The following NT5C1A variants were observed in gnomAD, a reference collection of about 807,000 sequenced individuals.
NT5C1A encodes the protein 5'-nucleotidase, cytosolic IA.
NT5C1A carries 18 observed loss-of-function variants against 31.0 expected under a neutral mutation model. The ratio of observed to expected loss-of-function variants is 0.58; its 90% CI spans 0.40 to 0.86. The LOEUF is 0.86. Among genes scored for constraint, NT5C1A ranks in the 40% least tolerant of loss-of-function variants. NT5C1A has a pLI of 0.00. For missense variants in NT5C1A, 470 were observed against 505.4 expected (o/e 0.93, Z 0.67); for synonymous variants, 185 against 203.6 (o/e 0.91, Z 0.78).
intron 1 of NT5C1A, among the ~76,000 whole-genome samples, chr1:39,668,358 G>A (rs1196932171): frequency 2.6e-5 from 4 of 152,150 alleles, no homozygotes; most frequent in African/African-American, 7.2e-5. Context: ...CTAAGGTCTC[G>A]CTCCTCACTT....
chr1:39,661,918 C>T (rs557552079), intron 4 of NT5C1A, among the ~76,000 whole-genome samples: 2 of 152,322 alleles, frequency 1.3e-5, no homozygotes, highest in Non-Finnish European at 2.9e-5. Flanking sequence ...GCCCTGCTGG[C>T]GGCTGGCTGT....
Position 39,653,061 on chromosome 1 carries a change from A to G in NT5C1A, c.*6060T>C, listed in dbSNP as rs555530479. Among the ~76,000 whole-genome samples the G allele has an allele frequency of 3.3e-5, 5 of 152,258 alleles. No homozygotes were observed. In the East Asian group the frequency reaches 9.6e-4, roughly 29 times the overall value. On this transcript the variant is annotated 3_prime_UTR_variant, in exon 6 of 6. Coordinates refer to ENST00000235628, the MANE Select transcript of NT5C1A (RefSeq NM_032526.3). ...CAGTGCACAATCTGCCCAACTGGAC[A>G]CGTTGGCCTTGGCACTGTTAGGGGG...
chr1:39,660,569 C>G (rs956001495), intron 5 of NT5C1A, among the ~76,000 whole-genome samples: 1 of 152,134 alleles, frequency 6.6e-6, no homozygotes, highest in African/African-American at 2.4e-5. Flanking sequence ...GCGCCCCAGT[C>G]CAGCAATTCC....
intron 3 of NT5C1A, among the ~76,000 whole-genome samples, chr1:39,665,150 CAGTT>C (rs1367926487): frequency 7.9e-5 from 12 of 152,204 alleles, no homozygotes; most frequent in African/African-American, 1.4e-4. Context: ...AGCCCCATCA[CAGTT>C]AGAGAAACTG....
At chr1:39,671,879 C>G in intron 1 of NT5C1A, 25 bp downstream of exon 1, 3 of 1,612,322 alleles carry the variant, frequency 1.9e-6, no homozygotes, top group Non-Finnish European at 2.5e-6. Flanking sequence ...CCCCCGTCCC[C>G]CGCATACCCG....
At chr1:39,663,263 G>A (rs1292341373) in intron 4 of NT5C1A, 49 bp downstream of exon 4, 1 of 1,610,764 alleles carries the variant, frequency 6.2e-7, no homozygotes, top group Admixed American at 1.7e-5. Context: ...CCCACCTCAG[G>A]GACCCCTTTG....
At chr1:39,664,727 G>A (rs1646512565) in intron 3 of NT5C1A, among the ~76,000 whole-genome samples, 1 of 150,696 alleles carries the variant, frequency 6.6e-6, no homozygotes, top group South Asian at 2.1e-4. Context: ...GACCTCAAGT[G>A]TTCCACCCGC....
chr1:39,667,234 T>G (rs2124162534), intron 1 of NT5C1A, among the ~76,000 whole-genome samples: 1 of 142,342 alleles, frequency 7.0e-6, no homozygotes, highest in South Asian at 2.3e-4. Context: ...GGAGTTTCAC[T>G]CTTGTTGCCC....
At chr1:39,666,325 A>G (rs1646522315) in intron 1 of NT5C1A, 89 bp from the exon 2 acceptor site, 3 of 1,332,564 alleles carry the variant, frequency 2.3e-6, no homozygotes, top group Non-Finnish European at 2.1e-6. Context: ...TAGTGAGGAC[A>G]TGGAGAAGAC....
At position 39,657,013 on chromosome 1, in the gene NT5C1A, T is replaced by A. The variant is rs959776506; in HGVS notation, c.*2108A>T. ...AACCCGGGTCTTCTGCCCCAAGGCC[T>A]CCTCTGTTAGCCAGAAGGATCCTGG... is the stretch of plus-strand genomic sequence containing the variant. On this transcript the variant is annotated 3_prime_UTR_variant, in exon 6 of 6. Coordinates refer to ENST00000235628, the MANE Select transcript of NT5C1A (RefSeq NM_032526.3). 2.6e-5 allele frequency among the ~76,000 whole-genome samples: 4 copies of A among 152,200 alleles called. No homozygotes were observed. Among genetic ancestry groups the A allele is most frequent in the East Asian group, 3.8e-4 (2 of 5,196 alleles).
intron 1 of NT5C1A, among the ~76,000 whole-genome samples, chr1:39,669,960 A>T (rs1646541775): frequency 6.6e-6 from 1 of 152,212 alleles, no homozygotes; most frequent in Non-Finnish European, 1.5e-5. Flanking sequence ...TGTTTGTTTA[A>T]ATGTAGGTTG....
At position 39,671,951 on chromosome 1, in the gene NT5C1A, C is replaced by T. The variant is rs758863154; in HGVS notation, c.88G>A (p.Ala30Thr). Residue 30 changes from alanine (A) to threonine (T), a missense_variant, in exon 1 of 6, where the codon GCC (alanine) becomes ACC (threonine). Coordinates refer to ENST00000235628, the MANE Select transcript of NT5C1A (RefSeq NM_032526.3). ...GCGAGGTTGTCGTAGAAAATCTTGG[C>T]TTCCTCCCAGACCGGGGCCGCAGCG... ...ETAAAPVWEEAKIFYDNLAPK... is the reference protein window; with the variant it reads ...ETAAAPVWEETKIFYDNLAPK... The T allele has an allele frequency of 1.9e-6, 3 of 1,613,090 alleles. No homozygotes were observed. Among genetic ancestry groups the T allele is most frequent in the African/African-American group, 1.3e-5 (1 of 75,042 alleles).
intron 1 of NT5C1A, among the ~76,000 whole-genome samples, chr1:39,666,887 A>G (rs1452576907): frequency 1.3e-5 from 2 of 152,190 alleles, no homozygotes; most frequent in Non-Finnish European, 2.9e-5. Context: ...TCCCTTCCTC[A>G]TCAATCGATT....
In NT5C1A at chr1:39,656,979, A is replaced by T. The variant is rs976625810; in HGVS notation, c.*2142T>A. Reference sequence around the variant, plus strand: ...CTCTGTCTAGGCTTGGAGCTCTGGAAGTAGACACAACCCGGGTCTTCTGCC... The same window carrying T: ...CTCTGTCTAGGCTTGGAGCTCTGGATGTAGACACAACCCGGGTCTTCTGCC... On this transcript the variant is annotated 3_prime_UTR_variant, in exon 6 of 6. Transcript: ENST00000235628. Among the ~76,000 whole-genome samples the T allele has an allele frequency of 4.6e-5, 7 of 152,218 alleles. No individual in the cohort carries two copies. Among genetic ancestry groups the T allele is most frequent in the African/African-American group, 1.7e-4 (7 of 41,442 alleles).
intron 5 of NT5C1A, among the ~76,000 whole-genome samples, chr1:39,660,748 G>T (rs1646488981): frequency 6.6e-6 from 1 of 152,082 alleles, no homozygotes; most frequent in Non-Finnish European, 1.5e-5. Context: ...GAAGAGGTGG[G>T]GACATAGAGA....
At chr1:39,659,694 G>C (rs542658887) in intron 5 of NT5C1A, among the ~76,000 whole-genome samples, 1 of 152,154 alleles carries the variant, frequency 6.6e-6, no homozygotes, top group African/African-American at 2.4e-5. Flanking sequence ...ATTGGTGCTG[G>C]GTCAGGATAA....
chr1:39,663,575 G>T, intron 3 of NT5C1A, 141 bp from the exon 4 acceptor site: 1 of 776,040 alleles, frequency 1.3e-6, no homozygotes, highest in Non-Finnish European at 2.1e-6. Flanking sequence ...TTAGGCCAGT[G>T]TTCCCCTCTG....
At chr1:39,669,791 C>T (rs1646541018) in intron 1 of NT5C1A, among the ~76,000 whole-genome samples, 1 of 152,174 alleles carries the variant, frequency 6.6e-6, no homozygotes, top group South Asian at 2.1e-4. Flanking sequence ...GACATTCATC[C>T]AGCTTCCTCT....
At position 39,671,988 on chromosome 1, in the gene NT5C1A, T is replaced by A; in HGVS notation, c.51A>T (p.Pro17=). The A allele has an allele frequency of 6.2e-7, 1 of 1,610,364 alleles. No homozygotes were observed. The highest frequency in any genetic ancestry group is 8.5e-7 in the Non-Finnish European group (1 of 1,179,542). The change falls in exon 1 of 6, where the codon CCA becomes CCT. Residue 17 remains proline (P), a synonymous_variant. Coordinates refer to ENST00000235628, the MANE Select transcript of NT5C1A (RefSeq NM_032526.3). ...REPQEPREPG[P]GAETAAAPVW... The stretch of plus-strand genomic sequence containing the variant: ...CCGGGGCCGCAGCGGTCTCCGCTCC[T>A]GGCCCGGGCTCGCGGGGCTCCTGGG...
Sources: allele counts gnomAD v4.1 joint callset (sites outside exome capture counted in the v4.1 genomes callset), GRCh38; gene constraint gnomAD v4.1.1; transcripts MANE v1.5; gene names NCBI Gene and HGNC (gene_info 2026-07-23, HGNC 2026-07-21).